MORC1: variants seen among roughly 807,000 people sequenced by gnomAD.
The protein encoded by MORC1 is MORC family CW-type zinc finger protein 1.
A neutral mutation model predicts 134.9 loss-of-function variants in MORC1; 59 were observed. The ratio of observed to expected loss-of-function variants is 0.44; its 90% CI spans 0.35 to 0.54. The LOEUF (loss-of-function observed/expected upper bound fraction) is 0.54. MORC1 is among the 20% of genes least tolerant of loss of function. MORC1 has a pLI of 0.00. For missense variants in MORC1, 947 were observed against 1,134.5 expected, an observed-to-expected ratio of 0.83 and a Z score of 2.37; for synonymous variants, 395 against 391.7, an observed-to-expected ratio of 1.01 and a Z score of -0.10.
At position 108,979,585 on chromosome 3, in the gene MORC1, C is replaced by A; in HGVS notation, c.2407G>T (p.Ala803Ser). 1.9e-6 allele frequency: 3 copies of A among 1,614,190 alleles called. No homozygotes were observed. The highest frequency in any genetic ancestry group is 2.5e-6 in the Non-Finnish European group (3 of 1,180,006). The change falls in exon 24 of 28, where the codon GCT becomes TCT. Residue 803 changes from alanine (A) to serine (S), a missense_variant. Around this residue, in one of 3 missense-constraint regions of MORC1, gnomAD observed 722 missense variants for 817.0 expected, o/e 0.88. Coordinates refer to ENST00000232603, the MANE Select transcript of MORC1 (RefSeq NM_014429.4). ...RVSVSGSCKVASSPASSQSTP... is the reference protein window; with the variant it reads ...RVSVSGSCKVSSSPASSQSTP... Reference sequence around the variant, plus strand: ...CTTTGAGAAGACGCTGGCGAAGAAGCAACTTTACAACTGCCACTCACAGAA... The same window carrying A: ...CTTTGAGAAGACGCTGGCGAAGAAGAAACTTTACAACTGCCACTCACAGAA...
intron 17 of MORC1, among the ~76,000 whole-genome samples, chr3:109,011,514 CTTTG>C (rs1383854016): frequency 4.7e-5 from 7 of 148,428 alleles, no homozygotes; most frequent in Admixed American, 2.7e-4. Flanking sequence ...TGTTTTTGTG[CTTTG>C]TTTTTGTTTT....
chr3:109,000,663 A>C lies in MORC1; in HGVS notation c.2086-5T>G, dbSNP rs749836715. ...TTTCATTTCCCAAGAAGCGGCCTAT[A>C]ACAAGGAATTAACAAAAAAAATACA... On this transcript the variant is annotated splice_region_variant and splice_polypyrimidine_tract_variant and intron_variant, in intron 20 of 27. Coordinates refer to ENST00000232603, the MANE Select transcript of MORC1 (RefSeq NM_014429.4). 1 of 1,604,244 alleles carries C rather than the reference A, an allele frequency of 6.2e-7. No individual in the cohort carries two copies. The highest frequency in any genetic ancestry group is 8.5e-7 in the Non-Finnish European group (1 of 1,175,370).
At chr3:109,114,169 C>T (rs1265715852) in intron 2 of MORC1, among the ~76,000 whole-genome samples, 1 of 152,144 alleles carries the variant, frequency 6.6e-6, no homozygotes, top group African/African-American at 2.4e-5. Context: ...TAAAAACAGA[C>T]TTCAAGTTTG....
intron 26 of MORC1, among the ~76,000 whole-genome samples, chr3:108,968,534 T>C (rs1171520724): frequency 6.6e-6 from 1 of 152,228 alleles, no homozygotes; most frequent in Non-Finnish European, 1.5e-5. Flanking sequence ...AATATTCAGA[T>C]GTCTTCCATT....
chr3:108,999,710 C>T (rs1948343785), intron 21 of MORC1, among the ~76,000 whole-genome samples: 1 of 152,150 alleles, frequency 6.6e-6, no homozygotes, highest in South Asian at 2.1e-4. Flanking sequence ...ACCACCTAGG[C>T]TACTGTAGTT....
intron 21 of MORC1, among the ~76,000 whole-genome samples, 192 bp downstream of exon 21, chr3:109,000,365 A>T (rs1053952033): frequency 8.5e-5 from 13 of 152,192 alleles, no homozygotes; most frequent in African/African-American, 3.1e-4. Flanking sequence ...GAGATGTGTA[A>T]GTTCCAGATA....
At chr3:109,018,791 A>G (rs938273621) in intron 17 of MORC1, 3 of 152,164 alleles carry the variant, frequency 2.0e-5, no homozygotes, top group Non-Finnish European at 4.4e-5. Context: ...TTCAAACATA[A>G]CTGCTTGTGA....
At chr3:109,019,835 C>T (rs571896206) in intron 17 of MORC1, among the ~76,000 whole-genome samples, 1 of 152,208 alleles carries the variant, frequency 6.6e-6, no homozygotes, top group South Asian at 2.1e-4. Context: ...CCTACAGTTA[C>T]AGGAATTAGG....
chr3:108,976,890 CA>C (rs1351110425), intron 24 of MORC1, among the ~76,000 whole-genome samples: 1 of 152,064 alleles, frequency 6.6e-6, no homozygotes, highest in Non-Finnish European at 1.5e-5. Context: ...TACACTCAAT[CA>C]GATTATCCCC....
chr3:108,987,433 T>C lies in MORC1; in HGVS notation c.2188-484A>G, dbSNP rs145161607. 5.7e-4 allele frequency among the ~76,000 whole-genome samples: 87 copies of C among 152,122 alleles called. 1 individual carries two copies. The East Asian group carries it at 0.014, about 24-fold the overall frequency. On this transcript the variant is annotated intron_variant, in intron 21 of 27. Coordinates refer to ENST00000232603, the MANE Select transcript of MORC1 (RefSeq NM_014429.4). The stretch of plus-strand genomic sequence containing the variant: ...TGGGGCCTGTAGTCCCAAAGCATAA[T>C]AGATAAGAAGATGGGGAAAGGGAGT...
chr3:109,053,101 T>C (rs1181191892), intron 14 of MORC1, among the ~76,000 whole-genome samples: 1 of 134,556 alleles, frequency 7.4e-6, no homozygotes, highest in African/African-American at 2.8e-5. Context: ...GCTTTTGTTA[T>C]AAAGTAAAAA....
intron 21 of MORC1, among the ~76,000 whole-genome samples, chr3:108,990,688 G>C (rs1948026600): frequency 1.3e-5 from 2 of 152,266 alleles, no homozygotes; most frequent in South Asian, 4.1e-4. Context: ...TGCAAAGGCA[G>C]GGAGGATCGT....
intron 1 of MORC1, among the ~76,000 whole-genome samples, chr3:109,115,900 C>A (rs1428217412): frequency 6.6e-6 from 1 of 152,062 alleles, no homozygotes; most frequent in Non-Finnish European, 1.5e-5. Flanking sequence ...TGAGGAGGGG[C>A]ATGGTGGTAG....
chr3:108,972,067 A>G lies in MORC1; in HGVS notation c.2478-665T>C, dbSNP rs528766403. Among the ~76,000 whole-genome samples, 75 of 152,280 alleles carry G rather than the reference A, an allele frequency of 4.9e-4. 1 individual carries two copies. Among genetic ancestry groups the G allele is most frequent in the African/African-American group, 1.6e-3 (66 of 41,576 alleles). On this transcript the variant is annotated intron_variant, in intron 24 of 27. Coordinates refer to ENST00000232603, the MANE Select transcript of MORC1 (RefSeq NM_014429.4). Reference sequence around the variant, plus strand: ...TAAGTCTCCAGAGTAATTTTTGCATAAGGGACTCCAAGACTACTCTTAGAA... The same window carrying G: ...TAAGTCTCCAGAGTAATTTTTGCATGAGGGACTCCAAGACTACTCTTAGAA...
At chr3:109,082,893 A>C (rs1164760621) in intron 8 of MORC1, among the ~76,000 whole-genome samples, 1 of 152,172 alleles carries the variant, frequency 6.6e-6, no homozygotes, top group Non-Finnish European at 1.5e-5. Flanking sequence ...AATTTTCCCA[A>C]ACTTGAGAAA....
At chr3:109,043,411 G>A (rs1025843937) in intron 14 of MORC1, among the ~76,000 whole-genome samples, 1 of 152,062 alleles carries the variant, frequency 6.6e-6, no homozygotes, top group Non-Finnish European at 1.5e-5. Context: ...ATGGAAAAGC[G>A]GGGAATTGGG....
Position 109,035,363 on chromosome 3 carries a change from C to T in MORC1, c.1436G>A (p.Gly479Asp), listed in dbSNP as rs367845565. ...ACCACATTGTATGATGAATGGGATA[C>T]CCATGGCTTGTCTTCTTTGATATTG... ...SFQYQRRQAM[G>D]IPFIIQCDLC... Residue 479 changes from glycine to aspartate, a missense_variant, in exon 15 of 28, where the codon GGT (glycine) becomes GAT (aspartate). Physicochemically the swap from Gly to Asp is moderately conservative, Grantham distance 94. Around this residue, in one of 3 missense-constraint regions of MORC1, gnomAD observed 722 missense variants for 817.0 expected, o/e 0.88. Coordinates refer to ENST00000232603, the MANE Select transcript of MORC1 (RefSeq NM_014429.4). 1 of 1,590,628 alleles carries T rather than the reference C, an allele frequency of 6.3e-7. No individual in the cohort carries two copies.
At chr3:109,044,238 TA>T (rs1382446928) in intron 14 of MORC1, among the ~76,000 whole-genome samples, 2 of 152,054 alleles carry the variant, frequency 1.3e-5, no homozygotes. Flanking sequence ...TAAATTAATC[TA>T]ATGAATTGTT....
In MORC1 at chr3:109,005,739, A is replaced by G. The variant is rs563797478; in HGVS notation, c.1768-424T>C. ...GTATTTGCTAAGAGATCTAGAATAC[A>G]TGTGCCTGCTTGTTAGAGCCTACTC... On this transcript the variant is annotated intron_variant, in intron 18 of 27. Transcript: ENST00000232603. Among the ~76,000 whole-genome samples the G allele has an allele frequency of 2.0e-5, 3 of 152,350 alleles. No individual in the cohort carries two copies. In the East Asian group the frequency reaches 5.8e-4, roughly 29 times the overall value.
Sources: gnomAD v4.1 joint callset for allele counts (sites outside exome capture counted in the v4.1 genomes callset) on GRCh38, gnomAD v4.1.1 for gene constraint, gnomAD v4.1.1 regional missense constraint, MANE v1.5 for transcripts, NCBI Gene and HGNC (gene_info 2026-07-23, HGNC 2026-07-21) for gene names.